Variants in AKT3 observed in about 807,000 individuals in gnomAD.
AKT3 encodes the protein AKT serine/threonine kinase 3, also known as RAC-gamma serine/threonine-protein kinase.
AKT3 carries 15 observed loss-of-function variants against 65.3 expected under a neutral mutation model. That is an observed-to-expected ratio of 0.23 (90% CI 0.15 to 0.35). AKT3 has a LOEUF of 0.35. Ranked by LOEUF, AKT3 falls within the 10% of genes least tolerant of loss-of-function variation. The pLI is 1.00. For missense variants in AKT3, 243 were observed against 576.5 expected, an observed-to-expected ratio of 0.42 and a Z score of 5.92; for synonymous variants, 206 against 183.8, an observed-to-expected ratio of 1.12 and a Z score of -0.98.
At chr1:243,588,530 G>A (rs190425085) in intron 8 of AKT3, among the ~76,000 whole-genome samples, 26 of 152,228 alleles carry the variant, frequency 1.7e-4, no homozygotes, top group East Asian at 5.8e-4. Context: ...AGTAACTCAC[G>A]TAAAACTCAA....
chr1:243,749,879 AT>A (rs772901157), intron 2 of AKT3, among the ~76,000 whole-genome samples: 1 of 152,334 alleles, frequency 6.6e-6, no homozygotes, highest in Non-Finnish European at 1.5e-5. Flanking sequence ...AAAGTCACCA[AT>A]GAGGTTATCA....
chr1:243,787,164 G>A lies in AKT3; in HGVS notation c.46+55961C>T, dbSNP rs139818646. Reference sequence around the variant, plus strand: ...TTTGTAGCTAAATCATAAAGGCAACGACAAAGTGAATTTACATTTTTCAAA... The same window carrying A: ...TTTGTAGCTAAATCATAAAGGCAACAACAAAGTGAATTTACATTTTTCAAA... On this transcript the variant is annotated intron_variant, in intron 2 of 13. Transcript: ENST00000673466. Among the ~76,000 whole-genome samples, 717 of 152,196 alleles carry A rather than the reference G, an allele frequency of 4.7e-3. 4 individuals carry two copies. The highest frequency in any genetic ancestry group is 0.017 in the African/African-American group (690 of 41,518).
At chr1:243,616,926 T>C (rs978156691) in intron 6 of AKT3, among the ~76,000 whole-genome samples, 1 of 152,228 alleles carries the variant, frequency 6.6e-6, no homozygotes, top group Non-Finnish European at 1.5e-5. Flanking sequence ...TGTCATATCG[T>C]ACTATAGTTC....
chr1:243,675,448 G>A (rs1017023319), intron 3 of AKT3, among the ~76,000 whole-genome samples: 22 of 152,100 alleles, frequency 1.4e-4, no homozygotes, highest in Non-Finnish European at 2.1e-4. Context: ...TGATCAGCCC[G>A]CCTCCACTTC....
intron 4 of AKT3, among the ~76,000 whole-genome samples, chr1:243,663,300 C>G (rs553713847): frequency 1.3e-5 from 2 of 152,168 alleles, no homozygotes; most frequent in Non-Finnish European, 2.9e-5. Context: ...GGAAAAATAA[C>G]ATTTTAAGCT....
At chr1:243,792,127 G>A (rs956654409) in intron 2 of AKT3, among the ~76,000 whole-genome samples, 2 of 147,236 alleles carry the variant, frequency 1.4e-5, no homozygotes, top group Non-Finnish European at 3.0e-5. Flanking sequence ...CTGTACTAGG[G>A]AACGTTCACT....
intron 2 of AKT3, among the ~76,000 whole-genome samples, chr1:243,761,918 C>T (rs184783456): frequency 2.6e-5 from 4 of 152,210 alleles, no homozygotes; most frequent in African/African-American, 9.6e-5. Context: ...TCTCTCTTGT[C>T]TCAACGTTGC....
At chr1:243,578,337 G>T (rs893174491) in intron 8 of AKT3, among the ~76,000 whole-genome samples, 49 of 152,128 alleles carry the variant, frequency 3.2e-4, no homozygotes, top group African/African-American at 1.1e-3. Flanking sequence ...TATAACCCAA[G>T]AAATACTATG....
intron 2 of AKT3, among the ~76,000 whole-genome samples, chr1:243,705,179 T>C (rs559164304): frequency 1.3e-5 from 2 of 152,332 alleles, no homozygotes; most frequent in South Asian, 4.1e-4. Context: ...TCACTTCATC[T>C]TAGCCAAAAG....
Position 243,843,261 on chromosome 1 carries a change from C to G in AKT3, c.-91G>C. On this transcript the variant is annotated 5_prime_UTR_variant, in exon 2 of 14. Coordinates refer to ENST00000673466, the MANE Select transcript of AKT3 (RefSeq NM_005465.7). ...GATTCTCTGCTGCTGCTGCCCTTCC[C>G]ACTCTCTAGTGATGACTCAGCCTGG... 2.0e-6 allele frequency: 3 copies of G among 1,536,240 alleles called. No individual in the cohort carries two copies. Among genetic ancestry groups the G allele is most frequent in the Non-Finnish European group, 2.6e-6 (3 of 1,136,988 alleles).
chr1:243,526,139 C>T (rs144841437), intron 12 of AKT3, among the ~76,000 whole-genome samples: 37 of 152,106 alleles, frequency 2.4e-4, no homozygotes, highest in African/African-American at 8.7e-4. Context: ...TCCAAGTTCA[C>T]TGCTGAGGCT....
chr1:243,671,140 G>T (rs917757429), intron 3 of AKT3, among the ~76,000 whole-genome samples: 1 of 149,444 alleles, frequency 6.7e-6, no homozygotes, highest in African/African-American at 2.5e-5. Context: ...GTGCAGTGGC[G>T]CAATCTCGGC....
At chr1:243,562,594 G>A (rs1673872283) in intron 10 of AKT3, among the ~76,000 whole-genome samples, 1 of 152,118 alleles carries the variant, frequency 6.6e-6, no homozygotes, top group Admixed American at 6.5e-5. Context: ...TAGGACATTT[G>A]CTTTTAGGGC....
chr1:243,583,749 A>G (rs1675594401), intron 8 of AKT3, among the ~76,000 whole-genome samples: 1 of 152,082 alleles, frequency 6.6e-6, no homozygotes. Context: ...CAAGGCAGAA[A>G]TAAAAATAGT....
chr1:243,704,282 T>C (rs909784368), intron 2 of AKT3, among the ~76,000 whole-genome samples: 3 of 152,084 alleles, frequency 2.0e-5, no homozygotes, highest in Admixed American at 6.6e-5. Context: ...TGTCAAAATA[T>C]GTACAAGTAC....
At chr1:243,704,266 G>A (rs778240377) in intron 2 of AKT3, among the ~76,000 whole-genome samples, 14 of 152,024 alleles carry the variant, frequency 9.2e-5, no homozygotes, top group East Asian at 3.9e-4. Context: ...AAAAATACTC[G>A]GTGAGTGTCA....
rs756712322 is a variant in AKT3 at position 243,645,908 on chromosome 1, G to C, written c.414C>G (p.Thr138=). Reference sequence around the variant, plus strand: ...TATTTTCTACCTTTCTTTTATGATGGGTTGTAGAGGCATCCATCTCTTCCT... The same window carrying C: ...TATTTTCTACCTTTCTTTTATGATGCGTTGTAGAGGCATCCATCTCTTCCT... The part of the protein sequence containing the change: ...IGEEEMDAST[T]HHKRKTMNDF... The change falls in exon 5 of 14, where the codon ACC becomes ACG. Residue 138 remains threonine, a synonymous_variant. Coordinates refer to ENST00000673466, the MANE Select transcript of AKT3 (RefSeq NM_005465.7). 3.1e-6 allele frequency: 5 copies of C among 1,605,902 alleles called. No homozygotes were observed. The highest frequency in any genetic ancestry group is 2.2e-5 in the South Asian group (2 of 89,448).
At chr1:243,845,597 AAAAAAAG>A (rs1695484891) in intron 1 of AKT3, among the ~76,000 whole-genome samples, 1 of 147,120 alleles carries the variant, frequency 6.8e-6, no homozygotes. Context: ...TCAAAAAAAA[AAAAAAAG>A]AAAAGAAAAG....
chr1:243,613,761 A>G, intron 7 of AKT3, 22 bp from the exon 8 acceptor site: 1 of 1,511,338 alleles, frequency 6.6e-7, no homozygotes, highest in Non-Finnish European at 9.1e-7. Context: ...AAAAAGAAAA[A>G]ATGTTACATT....
Sources: gnomAD v4.1 joint callset for allele counts (sites outside exome capture counted in the v4.1 genomes callset) on GRCh38, gnomAD v4.1.1 for gene constraint, MANE v1.5 for transcripts, NCBI Gene and HGNC (gene_info 2026-07-23, HGNC 2026-07-21) for gene names.